Variants in XKR6 observed in about 807,000 individuals in gnomAD.
The protein encoded by XKR6 is XK-related protein 6.
A neutral mutation model predicts 56.7 loss-of-function variants in XKR6; 22 were observed. The ratio of observed to expected loss-of-function variants is 0.39; its 90% CI spans 0.28 to 0.55. The LOEUF (loss-of-function observed/expected upper bound fraction) is 0.55. Among genes scored for constraint, XKR6 ranks in the 20% least tolerant of loss-of-function variants. The probability of loss-of-function intolerance (pLI) is 0.66; values close to 1 mark genes in which losing one functional copy is unlikely to be tolerated. For synonymous variants in XKR6, 524 were observed against 387.8 expected, an observed-to-expected ratio of 1.35 and a Z score of -4.13; for missense variants, 852 against 889.0, an observed-to-expected ratio of 0.96 and a Z score of 0.53.
chr8:10,999,991 G>A (rs557933542), intron 1 of XKR6, among the ~76,000 whole-genome samples: 21 of 152,290 alleles, frequency 1.4e-4, no homozygotes, highest in African/African-American at 5.1e-4. Context: ...CCCAGACTGT[G>A]GGTTTGGCTA....
chr8:10,917,645 G>A (rs1586303503), intron 2 of XKR6, among the ~76,000 whole-genome samples: 1 of 152,108 alleles, frequency 6.6e-6, no homozygotes, highest in Non-Finnish European at 1.5e-5. Flanking sequence ...GCACACAATG[G>A]CTCAGAGGAT....
chr8:11,089,015 T>G (rs1283135344), intron 1 of XKR6, among the ~76,000 whole-genome samples: 1 of 152,090 alleles, frequency 6.6e-6, no homozygotes, highest in Non-Finnish European at 1.5e-5. Context: ...GAAAGGGGTG[T>G]CATATAGTCA....
At chr8:10,958,267 C>T (rs1021443355) in intron 1 of XKR6, among the ~76,000 whole-genome samples, 2 of 152,236 alleles carry the variant, frequency 1.3e-5, no homozygotes, top group Non-Finnish European at 2.9e-5. Flanking sequence ...CTCTGTGTGC[C>T]ATCTGTGAAG....
chr8:10,977,757 G>T (rs952348883), intron 1 of XKR6, among the ~76,000 whole-genome samples: 3 of 151,452 alleles, frequency 2.0e-5, no homozygotes, highest in Non-Finnish European at 4.4e-5. Flanking sequence ...AGTAACGTGG[G>T]AAGGTTACTG....
At chr8:11,197,450 A>G (rs1039471117) in intron 1 of XKR6, among the ~76,000 whole-genome samples, 6 of 152,238 alleles carry the variant, frequency 3.9e-5, no homozygotes, top group Admixed American at 3.3e-4. Flanking sequence ...AAACCCTCCA[A>G]GAAAATGCTC....
At chr8:11,013,648 C>T (rs1256956578) in intron 1 of XKR6, among the ~76,000 whole-genome samples, 1 of 152,168 alleles carries the variant, frequency 6.6e-6, no homozygotes, top group African/African-American at 2.4e-5. Flanking sequence ...GTGGGAATGT[C>T]CCCATCCATT....
chr8:10,970,948 C>T (rs1272202195), intron 1 of XKR6, among the ~76,000 whole-genome samples: 2 of 151,816 alleles, frequency 1.3e-5, no homozygotes, highest in East Asian at 3.9e-4. Context: ...ACCCTTTTAT[C>T]AGAAAATATA....
At chr8:11,036,824 G>T (rs1044198898) in intron 1 of XKR6, among the ~76,000 whole-genome samples, 1 of 152,198 alleles carries the variant, frequency 6.6e-6, no homozygotes, top group Non-Finnish European at 1.5e-5. Flanking sequence ...CTTAGGTCAC[G>T]CTTTCATGTC....
chr8:11,171,538 A>C (rs1802368547), intron 1 of XKR6, among the ~76,000 whole-genome samples: 1 of 151,994 alleles, frequency 6.6e-6, no homozygotes, highest in African/African-American at 2.4e-5. Context: ...GTTAATTCTT[A>C]CTCTTAGTCC....
intron 1 of XKR6, among the ~76,000 whole-genome samples, chr8:10,935,932 T>G (rs1271750645): frequency 4.1e-5 from 6 of 146,666 alleles, no homozygotes; most frequent in Non-Finnish European, 9.0e-5. Context: ...GGTGCAGAGC[T>G]GAGTTCAATT....
At chr8:11,152,755 T>G (rs1801329312) in intron 1 of XKR6, among the ~76,000 whole-genome samples, 1 of 152,240 alleles carries the variant, frequency 6.6e-6, no homozygotes, top group Admixed American at 6.5e-5. Flanking sequence ...AACTAGCTTG[T>G]GGACAGAGTG....
At chr8:10,953,937 C>T (rs10903335) in intron 1 of XKR6, among the ~76,000 whole-genome samples, 28,614 of 152,184 alleles carry the variant, frequency 0.19, 3,811 homozygotes, top group African/African-American at 0.38. Context: ...TTGTGGCTGG[C>T]TTCTTTCACT....
At position 10,963,573 on chromosome 8, in the gene XKR6, A is replaced by G. The variant is rs958862341; in HGVS notation, c.765-38743T>C. On this transcript the variant is annotated intron_variant, in intron 1 of 2. Transcript: ENST00000416569. ...TTTTTTTTTTTTGAGATCGAGTCTC[A>G]CTCTGTCACCCAGGCTGGAGTGCCA... Among the ~76,000 whole-genome samples, 9 of 149,432 alleles carry G rather than the reference A, an allele frequency of 6.0e-5. 1 individual carries two copies. Among genetic ancestry groups the G allele is most frequent in the Admixed American group, 2.7e-4 (4 of 14,984 alleles).
At chr8:11,197,126 C>T (rs1414594712) in intron 1 of XKR6, among the ~76,000 whole-genome samples, 1 of 152,190 alleles carries the variant, frequency 6.6e-6, no homozygotes, top group Non-Finnish European at 1.5e-5. Context: ...CTACCACATC[C>T]CATCTCACAA....
chr8:10,925,393 C>T (rs1444600233), intron 1 of XKR6, among the ~76,000 whole-genome samples: 1 of 152,212 alleles, frequency 6.6e-6, no homozygotes, highest in Non-Finnish European at 1.5e-5. Flanking sequence ...AGGTCACCCC[C>T]ACTGCACAGG....
At chr8:11,146,447 G>A (rs1327108403) in intron 1 of XKR6, among the ~76,000 whole-genome samples, 3 of 152,170 alleles carry the variant, frequency 2.0e-5, no homozygotes, top group Non-Finnish European at 4.4e-5. Context: ...GCAACACGGC[G>A]AAACGCCATC....
intron 1 of XKR6, among the ~76,000 whole-genome samples, chr8:11,163,880 C>G (rs1801944310): frequency 6.6e-6 from 1 of 152,194 alleles, no homozygotes; most frequent in Non-Finnish European, 1.5e-5. Context: ...TAAATCTTCT[C>G]TGTGGTCCCT....
chr8:10,976,141 A>C (rs989780398), intron 1 of XKR6, among the ~76,000 whole-genome samples: 1 of 151,170 alleles, frequency 6.6e-6, no homozygotes, highest in Non-Finnish European at 1.5e-5. Flanking sequence ...GTGCCACTGC[A>C]CTCCAGCCTG....
chr8:10,961,255 G>A (rs1003947608), intron 1 of XKR6, among the ~76,000 whole-genome samples: 5 of 152,204 alleles, frequency 3.3e-5, no homozygotes, highest in Non-Finnish European at 5.9e-5. Context: ...AGATCCCTCC[G>A]GCTCTAGTGT....
Sources: gnomAD v4.1 joint callset for allele counts (sites outside exome capture counted in the v4.1 genomes callset) on GRCh38, gnomAD v4.1.1 for gene constraint, MANE v1.5 for transcripts, NCBI Gene and HGNC (gene_info 2026-07-23, HGNC 2026-07-21) for gene names.